ABCC6: variants seen among roughly 807,000 people sequenced by gnomAD.
ABCC6 encodes the protein ATP-binding cassette sub-family C member 6.
Under a neutral mutation model 169.5 loss-of-function variants are expected in ABCC6, and 126 were observed. The ratio of observed to expected loss-of-function variants is 0.74; its 90% CI spans 0.64 to 0.86. The LOEUF is 0.86. Ranked by LOEUF, ABCC6 falls within the 40% of genes least tolerant of loss-of-function variation. ABCC6 has a pLI of 0.00. For synonymous variants in ABCC6, 752 were observed against 814.7 expected (o/e 0.92, Z 1.31); for missense variants, 1,733 against 1,927.2 (o/e 0.90, Z 1.89).
intron 27 of ABCC6, among the ~76,000 whole-genome samples, chr16:16,156,875 G>A (rs566074776): frequency 2.7e-5 from 4 of 150,678 alleles, no homozygotes; most frequent in Non-Finnish European, 5.9e-5. Flanking sequence ...TCTGGGAGGC[G>A]GAGGTTGCAG....
chr16:16,167,266 G>A (rs554678133), intron 22 of ABCC6, among the ~76,000 whole-genome samples: 85 of 152,312 alleles, frequency 5.6e-4, no homozygotes, highest in Non-Finnish European at 1.1e-3. Context: ...CTTGGTTGTT[G>A]GAGGTAGCCA....
Position 16,182,829 on chromosome 16 carries a change from T to A in ABCC6, c.2045A>T (p.Lys682Met), listed in dbSNP as rs758166222. The A allele has an allele frequency of 1.9e-6, 3 of 1,613,976 alleles. No individual in the cohort carries two copies. The East Asian group carries it at 6.7e-5, about 36-fold the overall frequency. Residue 682 changes from lysine to methionine, a missense_variant, in exon 16 of 31, where the codon AAG (lysine) becomes ATG (methionine). By Grantham distance (95) the Lys-to-Met change is moderately conservative (BLOSUM62 -1). This residue lies in a region of ABCC6 where 1,601 missense variants were observed against 1,635.5 expected (regional missense o/e 0.98). Transcript: ENST00000205557. ...LLSALLGELS[K>M]VEGFVSIEGA... ...CTCGATGCTCACGAACCCCTCCACC[T>A]TTGACAGCTCCCCAAGGAGGGCGGA...
In ABCC6 at chr16:16,178,406, T is replaced by C. The variant is rs556985900; in HGVS notation, c.2415+392A>G. On this transcript the variant is annotated intron_variant, in intron 18 of 30. Transcript: ENST00000205557. Reference sequence around the variant, plus strand: ...GCTGGGGGTTGGGGTGGGGGTATTGTCCCTGGACTCAGAGTGGGGACAGCT... The same window carrying C: ...GCTGGGGGTTGGGGTGGGGGTATTGCCCCTGGACTCAGAGTGGGGACAGCT... 2.5e-3 allele frequency among the ~76,000 whole-genome samples: 381 copies of C among 152,150 alleles called. 4 individuals are homozygous for C. Among genetic ancestry groups the C allele is most frequent in the African/African-American group, 8.7e-3 (359 of 41,500 alleles).
intron 11 of ABCC6, 141 bp downstream of exon 11, chr16:16,192,689 G>A (rs1286088263): frequency 7.8e-6 from 6 of 772,982 alleles, no homozygotes; most frequent in Non-Finnish European, 1.1e-5. Context: ...GCAGGTCTGA[G>A]TGATGGGCAG....
At chr16:16,155,292 C>G in intron 27 of ABCC6, 1 of 580,556 alleles carries the variant, frequency 1.7e-6, no homozygotes, top group Admixed American at 3.1e-5. Flanking sequence ...TTTAGTTCCT[C>G]CATCTTTCCT....
intron 7 of ABCC6, among the ~76,000 whole-genome samples, chr16:16,208,499 G>T (rs958780965): frequency 6.6e-5 from 10 of 151,960 alleles, no homozygotes; most frequent in African/African-American, 2.4e-4. Context: ...CAAGCCTCCT[G>T]AGTAGCTGGG....
At position 16,188,971 on chromosome 16, in the gene ABCC6, C is replaced by A. The variant is rs56877937; in HGVS notation, c.1639G>T (p.Ala547Ser). Reference protein sequence around the residue: ...VSFQVSTFLVALVVFAVHTLV... With the variant: ...VSFQVSTFLVSLVVFAVHTLV... ...GTGTGGACAGCAAACACCACCAGTG[C>A]GACCTGGGGGGTGGGGGGGACACGT... Residue 547 changes from alanine (A) to serine (S), a missense_variant, in exon 13 of 31, where the codon GCA becomes TCA. Around this residue, in one of 5 missense-constraint regions of ABCC6, gnomAD observed 1,601 missense variants for 1,635.5 expected, o/e 0.98. Transcript: ENST00000205557. 6.2e-7 allele frequency: 1 copy of A among 1,613,628 alleles called. No homozygotes were observed. The highest frequency in any genetic ancestry group is 1.3e-5 in the African/African-American group (1 of 74,874).
intron 17 of ABCC6, among the ~76,000 whole-genome samples, chr16:16,179,234 ACTCT>A (rs904427035): frequency 4.0e-5 from 6 of 151,566 alleles, no homozygotes; most frequent in Admixed American, 1.3e-4. Context: ...CCTCCTGCTC[ACTCT>A]CTCTATCTCT....
Position 16,202,003 on chromosome 16 carries a change from T to C in ABCC6, c.1174A>G (p.Lys392Glu), listed in dbSNP as rs756498547. 10 of 1,613,878 alleles carry C rather than the reference T, an allele frequency of 6.2e-6. No homozygotes were observed. Among genetic ancestry groups the C allele is most frequent in the Non-Finnish European group, 7.6e-6 (9 of 1,179,882 alleles). Residue 392 changes from lysine (K) to glutamate (E), a missense_variant and splice_region_variant, in exon 9 of 31, where the codon AAG (lysine) becomes GAG (glutamate). By Grantham distance (56) the Lys-to-Glu change is moderately conservative (BLOSUM62 1). This residue lies in a region of ABCC6 where 1,601 missense variants were observed against 1,635.5 expected (regional missense o/e 0.98). Transcript: ENST00000205557. ...TGCCCTTGTCCCCCAGGGCTCACCT[T>C]TCTGTACACCAGGCCAGTGATGGCC... is the stretch of plus-strand genomic sequence containing the variant. ...RSAITGLVYRKVLALSSGSRK... is the reference protein window; with the variant it reads ...RSAITGLVYREVLALSSGSRK...
At chr16:16,195,331 T>TA (rs1244767596) in intron 10 of ABCC6, among the ~76,000 whole-genome samples, 1 of 122,754 alleles carries the variant, frequency 8.1e-6, no homozygotes, top group Non-Finnish European at 1.7e-5. Context: ...TTTTTTTTTT[T>TA]AGAAGGAGTC....
In ABCC6 at chr16:16,185,091, C is replaced by T. The variant is rs41278182; in HGVS notation, c.1868-57G>A. The T allele has an allele frequency of 0.28, 428,998 of 1,507,676 alleles. 65,084 individuals are homozygous for T. The highest frequency in any genetic ancestry group is 0.5 in the South Asian group (45,198 of 89,590). 93.4% of individuals were successfully genotyped at this position (1,507,676 alleles called of 1,614,324 possible). The stretch of plus-strand genomic sequence containing the variant: ...CCCCTGACCTGGCCGGCCTCTGCAT[C>T]GGAGAGGCCCCCAGGCACCATCCCC... On this transcript the variant is annotated intron_variant, in intron 14 of 30. Coordinates refer to ENST00000205557, the MANE Select transcript of ABCC6 (RefSeq NM_001171.6).
At chr16:16,187,080 T>TC in intron 14 of ABCC6, 44 bp downstream of exon 14, 3 of 1,470,260 alleles carry the variant, frequency 2.0e-6, no homozygotes, top group African/African-American at 1.4e-5. Context: ...GGCCCCCACA[T>TC]CCCCCATCCC....
rs1399121831 is a variant in ABCC6, at chr16:16,221,655, G to A, written c.213C>T (p.Ala71=). Residue 71 remains alanine, a synonymous_variant, in exon 2 of 31, where the codon GCC becomes GCT. Coordinates refer to ENST00000205557, the MANE Select transcript of ABCC6 (RefSeq NM_001171.6). The stretch of plus-strand genomic sequence containing the variant: ...TCCCAGGGATGGCAGCTACCATCTT[G>A]GCTTTGAAGAGTGGGGACATCCGGA... ...GYLRMSPLFK[A]KMVLGFALIV... 1 of 1,613,954 alleles carries A rather than the reference G, an allele frequency of 6.2e-7. No homozygotes were observed. Among genetic ancestry groups the A allele is most frequent in the Admixed American group, 1.7e-5 (1 of 60,002 alleles).
At chr16:16,191,932 T>A (rs1473613479) in intron 11 of ABCC6, among the ~76,000 whole-genome samples, 1 of 152,198 alleles carries the variant, frequency 6.6e-6, no homozygotes, top group Non-Finnish European at 1.5e-5. Context: ...TTGCAAAGCT[T>A]CCAGTTAAGG....
chr16:16,179,807 T>A (rs1348941594), intron 17 of ABCC6, among the ~76,000 whole-genome samples: 2 of 152,160 alleles, frequency 1.3e-5, no homozygotes, highest in African/African-American at 4.8e-5. Context: ...GCCAGGCTGG[T>A]CTCGAACTCC....
chr16:16,207,028 T>A (rs2048414568), intron 7 of ABCC6, among the ~76,000 whole-genome samples: 1 of 152,218 alleles, frequency 6.6e-6, no homozygotes, highest in Non-Finnish European at 1.5e-5. Context: ...TGGTCCCAGC[T>A]ACTCAGAAGG....
chr16:16,184,127 A>AGGT (rs1207200728), intron 15 of ABCC6: 1 of 172,324 alleles, frequency 5.8e-6, no homozygotes, highest in Non-Finnish European at 1.2e-5. Context: ...TGAATCCGGA[A>AGGT]GGTGGAGGTT....
intron 22 of ABCC6, among the ~76,000 whole-genome samples, chr16:16,168,803 G>C (rs1183048403): frequency 6.6e-6 from 1 of 152,076 alleles, no homozygotes; most frequent in East Asian, 1.9e-4. Flanking sequence ...CCATAGGGCC[G>C]GGTGCGGGGG....
At chr16:16,161,643 A>G in intron 24 of ABCC6, 79 bp from the exon 25 acceptor site, 1 of 1,589,004 alleles carries the variant, frequency 6.3e-7, no homozygotes, top group South Asian at 1.1e-5. Flanking sequence ...AGGACTGGTC[A>G]TCACACCAGC....
Sources: allele counts gnomAD v4.1 joint callset (sites outside exome capture counted in the v4.1 genomes callset), GRCh38; gene constraint gnomAD v4.1.1; regional missense constraint gnomAD v4.1.1; transcripts MANE v1.5; gene names NCBI Gene and HGNC (gene_info 2026-07-23, HGNC 2026-07-21).